The following R3HDM2 variants were observed in gnomAD, a reference collection of about 807,000 sequenced individuals.
The protein encoded by R3HDM2 is R3H domain-containing protein 2.
A neutral mutation model predicts 124.5 loss-of-function variants in R3HDM2; 38 were observed. The ratio of observed to expected loss-of-function variants is 0.31; its 90% CI spans 0.24 to 0.40. R3HDM2 has a LOEUF of 0.40. R3HDM2 is among the 10% of genes least tolerant of loss of function. R3HDM2 has a pLI of 1.00. For missense variants in R3HDM2, 869 were observed against 1,236.9 expected (o/e 0.70, Z 4.46); for synonymous variants, 391 against 448.0 (o/e 0.87, Z 1.61).
At chr12:57,367,372 A>AT (rs1259587224) in intron 2 of R3HDM2, among the ~76,000 whole-genome samples, 1 of 152,210 alleles carries the variant, frequency 6.6e-6, no homozygotes, top group Non-Finnish European at 1.5e-5. Context: ...GAGGAACTCA[A>AT]TTTTTATGTA....
At chr12:57,371,044 A>G (rs898463074) in intron 2 of R3HDM2, among the ~76,000 whole-genome samples, 2 of 145,280 alleles carry the variant, frequency 1.4e-5, no homozygotes, top group South Asian at 2.2e-4. Flanking sequence ...AAAATATTTC[A>G]TCATTACTCC....
chr12:57,283,273 G>T (rs2046585759), intron 13 of R3HDM2, among the ~76,000 whole-genome samples: 1 of 151,954 alleles, frequency 6.6e-6, no homozygotes. Context: ...GAAAATCAGA[G>T]AAAATAATCT....
intron 2 of R3HDM2, among the ~76,000 whole-genome samples, chr12:57,333,668 CAA>C (rs1289129581): frequency 6.6e-6 from 1 of 151,358 alleles, no homozygotes; most frequent in Admixed American, 6.6e-5. Flanking sequence ...GCCTGGGTGA[CAA>C]GAGCGAAACT....
At chr12:57,399,933 C>T (rs1336293037) in intron 1 of R3HDM2, among the ~76,000 whole-genome samples, 4 of 152,170 alleles carry the variant, frequency 2.6e-5, no homozygotes, top group East Asian at 1.9e-4. Context: ...CTAGGACTTC[C>T]GCTGATTCAT....
At chr12:57,354,331 T>G (rs1265741165) in intron 2 of R3HDM2, among the ~76,000 whole-genome samples, 1 of 152,106 alleles carries the variant, frequency 6.6e-6, no homozygotes, top group East Asian at 1.9e-4. Context: ...TCTGACTCTG[T>G]CACGCAGGCT....
Position 57,343,732 on chromosome 12 carries a change from GAGAT to G in R3HDM2, c.-35-33273_-35-33270del, listed in dbSNP as rs146190923. 7.6e-3 allele frequency among the ~76,000 whole-genome samples: 1,029 copies of G among 135,796 alleles called. 10 individuals carry two copies. The highest frequency in any genetic ancestry group is 0.027 in the African/African-American group (958 of 36,070). 89.1% of individuals were successfully genotyped at this position (135,796 alleles called of 152,430 possible). A position where few individuals can be genotyped will look rare whatever the true frequency, so the allele number is the denominator to read the frequency against. On this transcript the variant is annotated intron_variant, in intron 2 of 23. Coordinates refer to ENST00000402412, the MANE Select transcript of R3HDM2 (RefSeq NM_001394031.1). The stretch of plus-strand genomic sequence containing the variant: ...GAACTAAGATAAGCTCTAGGAATAA[GAGAT>G]AGACTCATGAAGGGTCTTACAAAAG...
At chr12:57,325,492 C>T (rs765265309) in intron 2 of R3HDM2, among the ~76,000 whole-genome samples, 13 of 152,246 alleles carry the variant, frequency 8.5e-5, no homozygotes, top group Non-Finnish European at 1.6e-4. Flanking sequence ...AGTGGAAAAC[C>T]ATAGACATAG....
At chr12:57,285,993 A>G (rs372067010) in intron 12 of R3HDM2, among the ~76,000 whole-genome samples, 1 of 152,220 alleles carries the variant, frequency 6.6e-6, no homozygotes, top group Non-Finnish European at 1.5e-5. Flanking sequence ...GGGTTAGTAC[A>G]CTACTCCCCT....
At chr12:57,389,378 A>G (rs1172196672) in intron 2 of R3HDM2, among the ~76,000 whole-genome samples, 4 of 152,204 alleles carry the variant, frequency 2.6e-5, no homozygotes, top group Non-Finnish European at 5.9e-5. Context: ...CTCTATTCCA[A>G]AGGTGGTTCT....
chr12:57,336,561 G>C lies in R3HDM2; in HGVS notation c.-35-26098C>G, dbSNP rs143038788. Among the ~76,000 whole-genome samples, 378 of 152,264 alleles carry C rather than the reference G, an allele frequency of 2.5e-3. 1 individual carries two copies. Among genetic ancestry groups the C allele is most frequent in the African/African-American group, 8.6e-3 (358 of 41,544 alleles). On this transcript the variant is annotated intron_variant, in intron 2 of 23. Transcript: ENST00000402412. ...TATTATCCTTAGCAAACTAAGGCAG[G>C]AACAGAAAACCAAATACCGCATGTT...
At chr12:57,288,307 T>TAC (rs2047829855) in intron 12 of R3HDM2, among the ~76,000 whole-genome samples, 1 of 151,826 alleles carries the variant, frequency 6.6e-6, no homozygotes. Flanking sequence ...CCTGGCCAGG[T>TAC]CCTTTCTGAG....
chr12:57,302,360 G>C (rs1240754166), intron 4 of R3HDM2, among the ~76,000 whole-genome samples: 1 of 151,026 alleles, frequency 6.6e-6, no homozygotes, highest in East Asian at 2.0e-4. Context: ...GAGACGGGTG[G>C]ATCACCTAAG....
Position 57,296,455 on chromosome 12 carries a change from T to C in R3HDM2, c.657A>G (p.Gln219=). 1 of 1,552,338 alleles carries C rather than the reference T, an allele frequency of 6.4e-7. No homozygotes were observed. Among genetic ancestry groups the C allele is most frequent in the Non-Finnish European group, 8.7e-7 (1 of 1,147,128 alleles). ...AYFGMDHNVD[Q]TGKAVIINKT... Reference sequence around the variant, plus strand: ...TGTTGATGATGACAGCTTTCCCAGTTTGATCAACATTGTGGTCCATCCCAA... The same window carrying C: ...TGTTGATGATGACAGCTTTCCCAGTCTGATCAACATTGTGGTCCATCCCAA... Residue 219 remains glutamine (Q), a synonymous_variant, in exon 9 of 24, where the codon CAA becomes CAG. Transcript: ENST00000402412. This position sits in a 1 kb window ranked among gnomAD's most constrained non-coding sequence, Gnocchi z 4.5.
At chr12:57,316,903 C>T (rs568050337) in intron 2 of R3HDM2, among the ~76,000 whole-genome samples, 4 of 151,990 alleles carry the variant, frequency 2.6e-5, no homozygotes, top group Non-Finnish European at 5.9e-5. Flanking sequence ...CGTGCCACCA[C>T]GTTCAGCTAA....
intron 2 of R3HDM2, among the ~76,000 whole-genome samples, chr12:57,387,494 G>C (rs1476892828): frequency 6.6e-6 from 1 of 152,070 alleles, no homozygotes; most frequent in Non-Finnish European, 1.5e-5. Context: ...CTGGACAAAG[G>C]TTTACTGTCA....
intron 2 of R3HDM2, among the ~76,000 whole-genome samples, chr12:57,351,782 A>G (rs2060704570): frequency 6.6e-6 from 1 of 152,206 alleles, no homozygotes; most frequent in Non-Finnish European, 1.5e-5. Context: ...TAGGAACTTA[A>G]TAAATTGGAG....
At position 57,296,806 on chromosome 12, in the gene R3HDM2, G is replaced by A. The variant is rs937694903; in HGVS notation, c.561-255C>T. On this transcript the variant is annotated intron_variant, in intron 8 of 23. Coordinates refer to ENST00000402412, the MANE Select transcript of R3HDM2 (RefSeq NM_001394031.1). The surrounding 1 kb of genome is among the most constrained non-coding windows in gnomAD (Gnocchi z 4.5). ...TTGCTGGGTGCAGTGGCTCATGCCC[G>A]TAATCCCAGCACTTTGGGAGGCCAA... 38 of 340,336 alleles carry A rather than the reference G, an allele frequency of 1.1e-4. No individual in the cohort carries two copies. The highest frequency in any genetic ancestry group is 2.3e-4 in the African/African-American group (11 of 47,406). 21.1% of individuals were successfully genotyped at this position (340,336 alleles called of 1,614,324 possible). A position where few individuals can be genotyped will look rare whatever the true frequency, so the allele number is the denominator to read the frequency against.
chr12:57,295,844 C>T (rs1290167994), intron 9 of R3HDM2, among the ~76,000 whole-genome samples: 2 of 152,274 alleles, frequency 1.3e-5, no homozygotes, highest in African/African-American at 4.8e-5. Flanking sequence ...ACCCCAATCC[C>T]CTTCCCTGCA....
chr12:57,349,379 CAAAAAAAAAAAAAAAAAAAA>C (rs1161831845), intron 2 of R3HDM2, among the ~76,000 whole-genome samples: 8 of 57,778 alleles, frequency 1.4e-4, no homozygotes, highest in African/African-American at 6.5e-4. Context: ...ACTCCGTCTC[CAAAAAAAAAAAAAAAAAAAA>C]AAAAAAAAGA....
Sources: allele counts gnomAD v4.1 joint callset (sites outside exome capture counted in the v4.1 genomes callset), GRCh38; gene constraint gnomAD v4.1.1; non-coding constraint Gnocchi (gnomAD v3.1); transcripts MANE v1.5; gene names NCBI Gene and HGNC (gene_info 2026-07-23, HGNC 2026-07-21).